GALNT16: variants seen among roughly 807,000 people sequenced by gnomAD.
GALNT16 encodes the protein polypeptide N-acetylgalactosaminyltransferase 16.
In GALNT16, 40 loss-of-function variants were observed where a neutral mutation model predicts 76.1. The observed-to-expected ratio is 0.53, with a 90% confidence interval of 0.41 to 0.68. The LOEUF (loss-of-function observed/expected upper bound fraction) is 0.68, where lower values mean the gene tolerates loss of function less well. Ranked by LOEUF, GALNT16 falls within the 30% of genes least tolerant of loss-of-function variation. The probability of loss-of-function intolerance (pLI) is 0.00; values close to 1 mark genes in which losing one functional copy is unlikely to be tolerated. For missense variants in GALNT16, 621 were observed against 731.9 expected (o/e 0.85, Z 1.75); for synonymous variants, 276 against 285.2 (o/e 0.97, Z 0.32).
At chr14:69,317,481 G>A (rs2045119531) in intron 1 of GALNT16, among the ~76,000 whole-genome samples, 1 of 152,206 alleles carries the variant, frequency 6.6e-6, no homozygotes, top group Non-Finnish European at 1.5e-5. Flanking sequence ...CAGATGCTTG[G>A]ATTCCTGTTC....
chr14:69,373,920 A>C, the GALNT16 span, among the ~76,000 whole-genome samples: 1 of 152,136 alleles, frequency 6.6e-6, no homozygotes, highest in Non-Finnish European at 1.5e-5. Flanking sequence ...AGCTGGGACT[A>C]CAGGTATATG....
the GALNT16 span, among the ~76,000 whole-genome samples, chr14:69,372,946 G>C: frequency 6.6e-6 from 1 of 152,320 alleles, no homozygotes; most frequent in East Asian, 1.9e-4. Context: ...TAATTGGGAT[G>C]AGCATTGTGG....
Position 69,325,357 on chromosome 14 carries a change from C to T in GALNT16, c.455C>T (p.Ala152Val). 2 of 1,602,816 alleles carry T rather than the reference C, an allele frequency of 1.2e-6. No homozygotes were observed. The highest frequency in any genetic ancestry group is 1.7e-6 in the Non-Finnish European group (2 of 1,169,650). ...TVKSVLNRTP[A>V]NLIQEIILVD... ...TGTAGTGTCCTGAACCGAACTCCTG[C>T]CAACTTGATCCAGGAGATCATTTTA... The change falls in exon 4 of 15, where the codon GCC (alanine) becomes GTC (valine). Residue 152 changes from alanine (A) to valine (V), a missense_variant. Coordinates refer to ENST00000448469, the MANE Select transcript of GALNT16 (RefSeq NM_001168368.2).
chr14:69,371,327 C>T, the GALNT16 span, among the ~76,000 whole-genome samples: 7 of 152,000 alleles, frequency 4.6e-5, no homozygotes, highest in Non-Finnish European at 7.4e-5. Flanking sequence ...GATCTCAGCT[C>T]ACTGCAACCT....
rs1369269412 is a variant in GALNT16, at chr14:69,322,981, TGCGCGCGCAC to T, written c.336-1704_336-1695del. 1.7e-3 allele frequency among the ~76,000 whole-genome samples: 47 copies of T among 28,348 alleles called. 1 individual carries two copies. Among genetic ancestry groups the T allele is most frequent in the Admixed American group, 4.8e-3 (12 of 2,510 alleles). The allele number at this position is 28,348 out of a possible 152,430, so 18.6% of individuals were successfully genotyped here. A position where few individuals can be genotyped will look rare whatever the true frequency, so the allele number is the denominator to read the frequency against. ...GTGTGTGTGTGTGTGTGTGTGTGTG[TGCGCGCGCAC>T]GCGCGCACGCATGCACACGTGTAGG... On this transcript the variant is annotated intron_variant, in intron 2 of 14. Transcript: ENST00000448469.
In GALNT16 at chr14:69,321,690, G is replaced by A. The variant is rs140056564; in HGVS notation, c.335+822G>A. On this transcript the variant is annotated intron_variant, in intron 2 of 14. Coordinates refer to ENST00000448469, the MANE Select transcript of GALNT16 (RefSeq NM_001168368.2). ...TCCTCTGCCTAAACGCACCTCCTCC[G>A]CCCCACCTACCCTTTGAGCTACTTG... is the stretch of plus-strand genomic sequence containing the variant. Among the ~76,000 whole-genome samples the A allele has an allele frequency of 3.8e-3, 580 of 151,930 alleles. 6 individuals carry two copies. Among genetic ancestry groups the A allele is most frequent in the African/African-American group, 0.013 (521 of 41,404 alleles).
At chr14:69,317,874 A>G (rs1359429142) in intron 1 of GALNT16, among the ~76,000 whole-genome samples, 2 of 152,192 alleles carry the variant, frequency 1.3e-5, no homozygotes, top group African/African-American at 4.8e-5. Flanking sequence ...GAAGGAAATG[A>G]TTATGATCTG....
intron 1 of GALNT16, among the ~76,000 whole-genome samples, chr14:69,270,037 G>A (rs1361354864): frequency 2.6e-5 from 4 of 152,008 alleles, no homozygotes; most frequent in Non-Finnish European, 4.4e-5. Context: ...TTGTCTCCTT[G>A]TCTGGTTCGT....
chr14:69,346,423 T>C (rs1244351654), intron 12 of GALNT16, among the ~76,000 whole-genome samples: 7 of 152,170 alleles, frequency 4.6e-5, no homozygotes, highest in Non-Finnish European at 1.0e-4. Flanking sequence ...TGAGACACAA[T>C]AGCACACTGC....
In GALNT16 at chr14:69,309,264, C is replaced by T. The variant is rs1363061575; in HGVS notation, c.178-11447C>T. Reference sequence around the variant, plus strand: ...ATGACCTCTTGAGATGTGCCACCTACGTTTCATCTTTCTTTCTTTCTTCCT... The same window carrying T: ...ATGACCTCTTGAGATGTGCCACCTATGTTTCATCTTTCTTTCTTTCTTCCT... On this transcript the variant is annotated intron_variant, in intron 1 of 14. Transcript: ENST00000448469. Among the ~76,000 whole-genome samples the T allele has an allele frequency of 9.3e-5, 14 of 151,316 alleles. No individual in the cohort carries two copies. In the East Asian group the frequency reaches 1.9e-3, roughly 21 times the overall value.
intron 3 of GALNT16, 74 bp downstream of exon 3, chr14:69,324,864 G>C: frequency 1.0e-6 from 1 of 971,062 alleles, no homozygotes; most frequent in Non-Finnish European, 1.5e-6. Flanking sequence ...GCTGTGGCCA[G>C]ACAGCTTGAA....
At position 69,279,787 on chromosome 14, in the gene GALNT16, C is replaced by A. The variant is rs147683078; in HGVS notation, c.177+19320C>A. 5.3e-5 allele frequency among the ~76,000 whole-genome samples: 8 copies of A among 152,328 alleles called. No individual in the cohort carries two copies. The East Asian group carries it at 1.5e-3, about 29-fold the overall frequency. ...AGGCTTGGCGTAGTAACCCCAATTCCATCTTGTAGGGTCATCTCATGGGAT... is the reference window on the plus strand; with the variant it reads ...AGGCTTGGCGTAGTAACCCCAATTCAATCTTGTAGGGTCATCTCATGGGAT... On this transcript the variant is annotated intron_variant, in intron 1 of 14. Coordinates refer to ENST00000448469, the MANE Select transcript of GALNT16 (RefSeq NM_001168368.2).
At chr14:69,347,016 C>A in intron 12 of GALNT16, 24 bp from the exon 13 acceptor site, 1 of 1,613,896 alleles carries the variant, frequency 6.2e-7, no homozygotes, top group Non-Finnish European at 8.5e-7. Flanking sequence ...AAAGCACAAG[C>A]CTGACTGCTG....
chr14:69,270,990 A>G (rs1045714038), intron 1 of GALNT16, among the ~76,000 whole-genome samples: 1 of 152,172 alleles, frequency 6.6e-6, no homozygotes, highest in Non-Finnish European at 1.5e-5. Context: ...AACACACCGC[A>G]GGGACCAGGG....
chr14:69,274,937 C>T (rs370335765), intron 1 of GALNT16, among the ~76,000 whole-genome samples: 22 of 152,244 alleles, frequency 1.4e-4, no homozygotes, highest in African/African-American at 5.3e-4. Context: ...CAGGGCTGCC[C>T]GGCTTCAAAG....
chr14:69,284,078 C>T (rs527274022), intron 1 of GALNT16, among the ~76,000 whole-genome samples: 4 of 152,320 alleles, frequency 2.6e-5, no homozygotes, highest in Middle Eastern at 6.8e-3. Context: ...TGGGTGCTCA[C>T]ACCTGCCCTG....
chr14:69,320,738 G>A lies in GALNT16; in HGVS notation c.205G>A (p.Asp69Asn). The A allele has an allele frequency of 6.2e-7, 1 of 1,614,098 alleles. No individual in the cohort carries two copies. The highest frequency in any genetic ancestry group is 1.7e-4 in the Middle Eastern group (1 of 6,058). ...GACAGGAACTCCCTCGAAAGGCTTT[G>A]ATGAGAAGGCCTACCTGTCGGCCAA... ...IVTGTPSKGF[D>N]EKAYLSAKQL... The change falls in exon 2 of 15, where the codon GAT (aspartate) becomes AAT (asparagine). Residue 69 changes from aspartate to asparagine, a missense_variant. Asp to Asn is a conservative substitution (Grantham distance 23). Transcript: ENST00000448469.
At chr14:69,269,541 G>A (rs1429378133) in intron 1 of GALNT16, among the ~76,000 whole-genome samples, 1 of 150,534 alleles carries the variant, frequency 6.6e-6, no homozygotes, top group Non-Finnish European at 1.5e-5. Flanking sequence ...TGTGTGTGAT[G>A]TGTGTGATGT....
At chr14:69,315,660 ATTG>A (rs1322218799) in intron 1 of GALNT16, among the ~76,000 whole-genome samples, 1 of 152,168 alleles carries the variant, frequency 6.6e-6, no homozygotes, top group Non-Finnish European at 1.5e-5. Flanking sequence ...AGTGACTGTC[ATTG>A]TTGTCAGTGA....
Sources: allele counts gnomAD v4.1 joint callset (sites outside exome capture counted in the v4.1 genomes callset), GRCh38; gene constraint gnomAD v4.1.1; transcripts MANE v1.5; gene names NCBI Gene and HGNC (gene_info 2026-07-23, HGNC 2026-07-21).